Variants in TBCD observed in about 807,000 individuals in gnomAD.
The protein encoded by TBCD is tubulin folding cofactor D.
Under a neutral mutation model 169.3 loss-of-function variants are expected in TBCD, and 105 were observed. The observed-to-expected ratio is 0.62, with a 90% CI of 0.53 to 0.73. TBCD has a LOEUF of 0.73. Ranked by LOEUF, TBCD falls within the 30% of genes least tolerant of loss-of-function variation. The probability of loss-of-function intolerance (pLI) is 0.00; values close to 1 mark genes in which losing one functional copy is unlikely to be tolerated. For missense variants in TBCD, 1,444 were observed against 1,600.1 expected, an observed-to-expected ratio of 0.90 and a Z score of 1.66; for synonymous variants, 700 against 643.9, an observed-to-expected ratio of 1.09 and a Z score of -1.32.
chr17:82,915,762 C>T lies in TBCD; in HGVS notation c.2038+3973C>T, dbSNP rs1265841991. Among the ~76,000 whole-genome samples the T allele has an allele frequency of 6.6e-6, 1 of 152,158 alleles. No homozygotes were observed. ...GGCGTCACGAGAATCAGGAAAAGTTCTCCTCTCATGCCGAAGACGGGAGGG... is the reference window on the plus strand; with the variant it reads ...GGCGTCACGAGAATCAGGAAAAGTTTTCCTCTCATGCCGAAGACGGGAGGG... On this transcript the variant is annotated intron_variant, in intron 23 of 38. Transcript: ENST00000355528. The surrounding 1 kb of genome is among the most constrained non-coding windows in gnomAD (Gnocchi z 4.3).
chr17:82,775,254 C>T (rs1164117974), intron 6 of TBCD, among the ~76,000 whole-genome samples: 3 of 152,222 alleles, frequency 2.0e-5, no homozygotes, highest in Admixed American at 6.5e-5. Flanking sequence ...GGCGTCGGTG[C>T]CGTGGAGCCT....
chr17:82,889,801 G>A lies in TBCD; in HGVS notation c.1563+104G>A. The A allele has an allele frequency of 2.3e-6, 3 of 1,331,306 alleles. No individual in the cohort carries two copies. Among genetic ancestry groups the A allele is most frequent in the Non-Finnish European group, 3.2e-6 (3 of 950,072 alleles). The allele number at this position is 1,331,306 out of a possible 1,614,324, so 82.5% of individuals were successfully genotyped here. ...GGTGTCTTCTCGCACTGTGAGATGT[G>A]GTGTGGCTACATCAATGCCAGGGTC... On this transcript the variant is annotated intron_variant, in intron 16 of 38. Coordinates refer to ENST00000355528, the MANE Select transcript of TBCD (RefSeq NM_005993.5). This position sits in a 1 kb window ranked among gnomAD's most constrained non-coding sequence, Gnocchi z 5.3.
At chr17:82,876,453 G>C (rs1417190385) in intron 14 of TBCD, among the ~76,000 whole-genome samples, 1 of 152,226 alleles carries the variant, frequency 6.6e-6, no homozygotes, top group African/African-American at 2.4e-5. Context: ...GAAACTGAGA[G>C]GCCCACGTGG....
Position 82,752,273 on chromosome 17 carries a change from T to C in TBCD, c.80T>C (p.Leu27Pro). The change falls in exon 1 of 39, where the codon CTG (leucine) becomes CCG (proline). Residue 27 changes from leucine to proline, a missense_variant. Leu to Pro is a moderately conservative substitution (Grantham distance 98). Coordinates refer to ENST00000355528, the MANE Select transcript of TBCD (RefSeq NM_005993.5). ...GAGACACTGGCCTTTGGCGCGGCGCTGGAAGCGTTCGGCGAGAGCGCGGAG... is the reference window on the plus strand; with the variant it reads ...GAGACACTGGCCTTTGGCGCGGCGCCGGAAGCGTTCGGCGAGAGCGCGGAG... ...EDETLAFGAALEAFGESAETR... is the reference protein window; with the variant it reads ...EDETLAFGAAPEAFGESAETR... 1 of 1,518,520 alleles carries C rather than the reference T, an allele frequency of 6.6e-7. No individual in the cohort carries two copies. The highest frequency in any genetic ancestry group is 1.2e-5 in the South Asian group (1 of 82,082). 94.1% of individuals were successfully genotyped at this position (1,518,520 alleles called of 1,614,324 possible).
chr17:82,911,877 A>G, intron 23 of TBCD, 88 bp downstream of exon 23: 1 of 1,414,132 alleles, frequency 7.1e-7, no homozygotes, highest in Non-Finnish European at 9.9e-7. Flanking sequence ...AGGGCGGCCC[A>G]TTAGCCCCCA....
At chr17:82,827,297 T>A (rs9891304) in intron 13 of TBCD, among the ~76,000 whole-genome samples, 69,642 of 152,092 alleles carry the variant, frequency 0.46, 16,067 homozygotes, top group East Asian at 0.54. Flanking sequence ...TTTCCCAGTC[T>A]CTGGAGCAGT....
At chr17:82,899,171 C>T (rs1436911745) in intron 17 of TBCD, among the ~76,000 whole-genome samples, 1 of 150,420 alleles carries the variant, frequency 6.6e-6, no homozygotes, top group Non-Finnish European at 1.5e-5. Context: ...CCGCAGTGCG[C>T]GCGTCCTCGG....
chr17:82,776,988 C>G (rs2048639195), intron 6 of TBCD, among the ~76,000 whole-genome samples: 1 of 152,178 alleles, frequency 6.6e-6, no homozygotes, highest in East Asian at 1.9e-4. Context: ...GGGGCCTTTT[C>G]TTCCCCACGA....
chr17:82,878,931 T>TA (rs1465083547), intron 14 of TBCD, among the ~76,000 whole-genome samples: 2 of 152,226 alleles, frequency 1.3e-5, no homozygotes, highest in Non-Finnish European at 2.9e-5. Context: ...GGTTATCATC[T>TA]AACACTATTG....
chr17:82,875,437 G>A (rs984446468), intron 14 of TBCD, among the ~76,000 whole-genome samples: 2 of 150,914 alleles, frequency 1.3e-5, no homozygotes, highest in Non-Finnish European at 3.0e-5. Context: ...CGAGCCCTAC[G>A]CTGCTGCTGC....
intron 13 of TBCD, among the ~76,000 whole-genome samples, chr17:82,821,136 T>A (rs1351108144): frequency 2.0e-5 from 3 of 152,164 alleles, no homozygotes; most frequent in Non-Finnish European, 4.4e-5. Context: ...AGAAACAGGA[T>A]CTCACTTTAT....
intron 17 of TBCD, among the ~76,000 whole-genome samples, chr17:82,896,296 C>T (rs74670939): frequency 0.022 from 3,357 of 152,166 alleles, 142 homozygotes; most frequent in African/African-American, 0.077. Flanking sequence ...TGGTACGTGG[C>T]GTCTGTCTCC....
At chr17:82,826,609 T>C (rs2052872650) in intron 13 of TBCD, among the ~76,000 whole-genome samples, 1 of 151,724 alleles carries the variant, frequency 6.6e-6, no homozygotes, top group South Asian at 2.1e-4. Context: ...AGGGATGGGG[T>C]CTCCCTGTGT....
intron 37 of TBCD, among the ~76,000 whole-genome samples, chr17:82,940,808 C>G (rs1242649644): frequency 6.6e-6 from 1 of 152,112 alleles, no homozygotes; most frequent in Non-Finnish European, 1.5e-5. Context: ...AAATAATTGG[C>G]TTTAGGACTG....
At chr17:82,925,697 G>T (rs891268985) in intron 27 of TBCD, among the ~76,000 whole-genome samples, 6 of 152,156 alleles carry the variant, frequency 3.9e-5, no homozygotes, top group Non-Finnish European at 5.9e-5. Context: ...CCTCGCAGCC[G>T]CCATGCCATC....
At chr17:82,881,612 T>C (rs2146201362) in intron 14 of TBCD, among the ~76,000 whole-genome samples, 1 of 152,324 alleles carries the variant, frequency 6.6e-6, no homozygotes, top group South Asian at 2.1e-4. Flanking sequence ...CGTGCCCTCC[T>C]GGCTTTGCCC....
At chr17:82,791,120 CTCGCTCTGTTGCCCTGGCT>C (rs1256305149) in intron 7 of TBCD, among the ~76,000 whole-genome samples, 2 of 130,252 alleles carry the variant, frequency 1.5e-5, no homozygotes, top group African/African-American at 6.0e-5. Context: ...TAGACGGAGT[CTCGCTCTGTTGCCCTGGCT>C]GGAGTGCAGT....
rs1599583072 is a variant in TBCD at position 82,922,829 on chromosome 17, C to G, written c.2179-823C>G. 6.6e-6 allele frequency among the ~76,000 whole-genome samples: 1 copy of G among 152,336 alleles called. No individual in the cohort carries two copies. Among genetic ancestry groups the G allele is most frequent in the East Asian group, 1.9e-4 (1 of 5,186 alleles). ...GGCTTCGGGGGAGCGGTGGAAAGAA[C>G]ACGTGGGTTTGGTGTTTGCCACTTG... On this transcript the variant is annotated intron_variant, in intron 25 of 38. Transcript: ENST00000355528. This position sits in a 1 kb window ranked among gnomAD's most constrained non-coding sequence, Gnocchi z 4.1.
At chr17:82,897,748 C>T (rs1193493892) in intron 17 of TBCD, among the ~76,000 whole-genome samples, 1 of 152,212 alleles carries the variant, frequency 6.6e-6, no homozygotes, top group Non-Finnish European at 1.5e-5. Flanking sequence ...TTTTAGAATC[C>T]GTGCAGGTAG....
Sources: gnomAD v4.1 joint callset for allele counts (sites outside exome capture counted in the v4.1 genomes callset) on GRCh38, gnomAD v4.1.1 for gene constraint, Gnocchi (gnomAD v3.1) non-coding constraint, MANE v1.5 for transcripts, NCBI Gene and HGNC (gene_info 2026-07-23, HGNC 2026-07-21) for gene names.